The following UBE4B variants were observed in gnomAD, a reference collection of about 807,000 sequenced individuals.
UBE4B encodes the protein ubiquitin conjugation factor E4 B.
UBE4B carries 27 observed loss-of-function variants against 148.1 expected under a neutral mutation model. The observed-to-expected ratio is 0.18, with a 90% CI of 0.13 to 0.25. UBE4B has a LOEUF of 0.25. Ranked by LOEUF, UBE4B falls within the 10% of genes least tolerant of loss-of-function variation. The pLI, the probability that UBE4B is intolerant of heterozygous loss-of-function variation, is 1.00. For missense variants in UBE4B, 1,170 were observed against 1,662.4 expected, an observed-to-expected ratio of 0.70 and a Z score of 5.15; for synonymous variants, 596 against 619.3, an observed-to-expected ratio of 0.96 and a Z score of 0.56.
Position 10,106,429 on chromosome 1 carries a change from T to C in UBE4B, c.1042T>C (p.Ser348Pro), listed in dbSNP as rs1334950644. 3 of 1,613,756 alleles carry C rather than the reference T, an allele frequency of 1.9e-6. No homozygotes were observed. Among genetic ancestry groups the C allele is most frequent in the Admixed American group, 1.7e-5 (1 of 59,974 alleles). ...GGCGTCCTCAGGCGTCTCCATTCTGTCGAGCTCCCCAAGTCCCCCTGCCCT... is the reference window on the plus strand; with the variant it reads ...GGCGTCCTCAGGCGTCTCCATTCTGCCGAGCTCCCCAAGTCCCCCTGCCCT... ...PWASSGVSIL[S>P]SSPSPPALAS... The change falls in exon 7 of 28, where the codon TCG becomes CCG. Residue 348 changes from serine (S) to proline (P), a missense_variant. Coordinates refer to ENST00000343090, the MANE Select transcript of UBE4B (RefSeq NM_001105562.3). The surrounding 1 kb of genome is among the most constrained non-coding windows in gnomAD (Gnocchi z 4.2).
intron 25 of UBE4B, among the ~76,000 whole-genome samples, chr1:10,175,642 C>T (rs1462489878): frequency 1.3e-5 from 2 of 151,820 alleles, no homozygotes; most frequent in Non-Finnish European, 1.5e-5. Context: ...CAGAGCGAGA[C>T]TCCGTCTCAA....
In UBE4B at chr1:10,033,404, C is replaced by T. The variant is rs1643374881; in HGVS notation, c.-267C>T. 2.7e-6 allele frequency: 1 copy of T among 364,922 alleles called. No individual in the cohort carries two copies. Among genetic ancestry groups the T allele is most frequent in the East Asian group, 4.0e-5 (1 of 24,932 alleles). 22.6% of individuals were successfully genotyped at this position (364,922 alleles called of 1,614,324 possible). ...TAATAAGTGGCGCCTTAAGACAACCCTGTAGCAGCAGCAGTGGCGGCCAAA... is the reference window on the plus strand; with the variant it reads ...TAATAAGTGGCGCCTTAAGACAACCTTGTAGCAGCAGCAGTGGCGGCCAAA... On this transcript the variant is annotated 5_prime_UTR_variant, in exon 1 of 28. Coordinates refer to ENST00000343090, the MANE Select transcript of UBE4B (RefSeq NM_001105562.3).
chr1:10,036,465 G>A (rs370437852), intron 1 of UBE4B, among the ~76,000 whole-genome samples: 30 of 151,756 alleles, frequency 2.0e-4, no homozygotes, highest in Middle Eastern at 3.2e-3. Context: ...GCAGAACCTA[G>A]AACAAATAAT....
intron 7 of UBE4B, among the ~76,000 whole-genome samples, chr1:10,114,284 A>G (rs1196724263): frequency 1.3e-5 from 2 of 152,222 alleles, no homozygotes; most frequent in African/African-American, 4.8e-5. Context: ...TCATCCTTGC[A>G]AAGTGCAGTG....
chr1:10,129,065 T>C, intron 11 of UBE4B: 1 of 219,214 alleles, frequency 4.6e-6, no homozygotes, highest in Non-Finnish European at 9.0e-6. Context: ...AAAAACTTTT[T>C]TGTAAAAAAC....
chr1:10,156,780 C>A (rs1332421439), intron 21 of UBE4B, among the ~76,000 whole-genome samples: 3 of 152,094 alleles, frequency 2.0e-5, no homozygotes, highest in African/African-American at 4.8e-5. Flanking sequence ...ACTTTCGGAT[C>A]TTAGTATGAT....
At chr1:10,098,543 G>A (rs1644963358) in intron 3 of UBE4B, among the ~76,000 whole-genome samples, 1 of 152,178 alleles carries the variant, frequency 6.6e-6, no homozygotes, top group African/African-American at 2.4e-5. Flanking sequence ...TTTAGATGAA[G>A]GCAGTTGAGC....
intron 1 of UBE4B, among the ~76,000 whole-genome samples, chr1:10,044,399 A>C (rs1168417128): frequency 6.6e-6 from 1 of 152,072 alleles, no homozygotes; most frequent in Non-Finnish European, 1.5e-5. Context: ...GAATTAGGGC[A>C]GTGGTCCCCA....
intron 25 of UBE4B, among the ~76,000 whole-genome samples, chr1:10,175,686 T>TA (rs992230720): frequency 4.0e-5 from 6 of 151,516 alleles, no homozygotes; most frequent in South Asian, 4.2e-4. Flanking sequence ...AAAAAGAAAA[T>TA]AAAAAAAATA....
At position 10,144,196 on chromosome 1, in the gene UBE4B, C is replaced by T. The variant is rs1045456152; in HGVS notation, c.2364-744C>T. Among the ~76,000 whole-genome samples, 5 of 152,266 alleles carry T rather than the reference C, an allele frequency of 3.3e-5. No homozygotes were observed. In the South Asian group the frequency reaches 1.0e-3, roughly 32 times the overall value. Reference sequence around the variant, plus strand: ...AGTGAAGGAGCAAAGCCAGAGATAACCTCAGAGAAGAGCATTGCGAGCAGA... The same window carrying T: ...AGTGAAGGAGCAAAGCCAGAGATAATCTCAGAGAAGAGCATTGCGAGCAGA... On this transcript the variant is annotated intron_variant, in intron 17 of 27. Transcript: ENST00000343090.
intron 1 of UBE4B, among the ~76,000 whole-genome samples, chr1:10,040,611 C>T (rs1462591943): frequency 1.3e-5 from 2 of 150,306 alleles, no homozygotes; most frequent in African/African-American, 4.9e-5. Context: ...CCATTTCTTT[C>T]TTCTTTTTTC....
At position 10,180,014 on chromosome 1, in the gene UBE4B, G is replaced by A; in HGVS notation, c.*58G>A. 6.2e-7 allele frequency: 1 copy of A among 1,605,946 alleles called. No individual in the cohort carries two copies. Among genetic ancestry groups the A allele is most frequent in the African/African-American group, 1.3e-5 (1 of 74,790 alleles). On this transcript the variant is annotated 3_prime_UTR_variant, in exon 28 of 28. Transcript: ENST00000343090. The stretch of plus-strand genomic sequence containing the variant: ...GCCAAGGCCAACGAGGCAAGCAGAA[G>A]CAGCGGCCGCAGCGAAGCTGCCGTT...
At chr1:10,074,412 CTCTTGATCTAAT>C (rs1445552616) in intron 2 of UBE4B, among the ~76,000 whole-genome samples, 1 of 151,624 alleles carries the variant, frequency 6.6e-6, no homozygotes, top group African/African-American at 2.4e-5. Context: ...AAAAGGAACT[CTCTTGATCTAAT>C]TCCCCCTGCC....
At chr1:10,136,649 G>A (rs1021581447) in intron 16 of UBE4B, among the ~76,000 whole-genome samples, 13 of 152,264 alleles carry the variant, frequency 8.5e-5, no homozygotes, top group African/African-American at 3.1e-4. Context: ...GCGGGGCATG[G>A]TGGCTCACGC....
At position 10,146,217 on chromosome 1, in the gene UBE4B, C is replaced by T. The variant is rs750274394; in HGVS notation, c.2464-746C>T. On this transcript the variant is annotated intron_variant, in intron 18 of 27. Transcript: ENST00000343090. The stretch of plus-strand genomic sequence containing the variant: ...CAGTAATCCCAGCACTTTGAGAGGC[C>T]GAGGCAGGCAGATCACCTGAGGTCA... 5.9e-5 allele frequency among the ~76,000 whole-genome samples: 9 copies of T among 152,146 alleles called. No homozygotes were observed. The South Asian group carries it at 1.7e-3, about 28-fold the overall frequency.
In UBE4B at chr1:10,171,290, G is replaced by A. The variant is rs372671422; in HGVS notation, c.3486G>A (p.Leu1162=). 2.1e-5 allele frequency: 34 copies of A among 1,614,012 alleles called. No individual in the cohort carries two copies. The highest frequency in any genetic ancestry group is 2.9e-5 in the Non-Finnish European group (34 of 1,180,016). ...LDQLTDIYLQ[L]DCARFAKAIA... The stretch of plus-strand genomic sequence containing the variant: ...AACTGACGGATATTTACTTACAGCT[G>A]GACTGTGCTCGGTTCGCGAAAGCCA... The change falls in exon 25 of 28, where the codon CTG becomes CTA. Residue 1162 remains leucine, a synonymous_variant. Transcript: ENST00000343090.
At chr1:10,056,955 A>G (rs986156056) in intron 1 of UBE4B, among the ~76,000 whole-genome samples, 7 of 151,102 alleles carry the variant, frequency 4.6e-5, no homozygotes, top group African/African-American at 1.7e-4. Context: ...CTGGGACTAC[A>G]GGCATGTGCC....
chr1:10,144,471 C>T (rs951167047), intron 17 of UBE4B, among the ~76,000 whole-genome samples: 2 of 152,314 alleles, frequency 1.3e-5, no homozygotes, highest in East Asian at 1.9e-4. Flanking sequence ...CGCAGTGGCT[C>T]ATGCCTGTAA....
intron 4 of UBE4B, among the ~76,000 whole-genome samples, 163 bp from the exon 5 acceptor site, chr1:10,102,785 T>C (rs1032567077): frequency 2.6e-5 from 4 of 152,202 alleles, no homozygotes; most frequent in African/African-American, 9.6e-5. Flanking sequence ...TTTGATGTTA[T>C]AGGAATAGGC....
Sources: allele counts gnomAD v4.1 joint callset (sites outside exome capture counted in the v4.1 genomes callset), GRCh38; gene constraint gnomAD v4.1.1; non-coding constraint Gnocchi (gnomAD v3.1); transcripts MANE v1.5; gene names NCBI Gene and HGNC (gene_info 2026-07-23, HGNC 2026-07-21).